The following CNMD variants were observed in gnomAD, a reference collection of about 807,000 sequenced individuals.
CNMD encodes chondromodulin.
CNMD carries 30 observed loss-of-function variants against 37.5 expected under a neutral mutation model. The observed-to-expected ratio is 0.80, with a 90% CI of 0.60 to 1.09. The LOEUF is 1.09. CNMD is among the 50% of genes least tolerant of loss of function. The pLI is 0.00. For missense variants in CNMD, 398 were observed against 423.9 expected, an observed-to-expected ratio of 0.94 and a Z score of 0.54; for synonymous variants, 167 against 148.2, an observed-to-expected ratio of 1.13 and a Z score of -0.92.
Position 52,703,655 on chromosome 13 carries a change from C to T in CNMD, c.945G>A (p.Ser315=), listed in dbSNP as rs78575404. The T allele has an allele frequency of 6.6e-4, 1,058 of 1,614,144 alleles. 8 individuals are homozygous for T. In the African/African-American group the frequency reaches 0.011, roughly 16 times the overall value. Residue 315 remains serine, a synonymous_variant, in exon 7 of 7, where the codon TCG becomes TCA. Transcript: ENST00000377962. ...TACATGGCATGATGACTCTGCAGGC[C>T]GAACGGCAGCCTTGATAATTATAAG... is the stretch of plus-strand genomic sequence containing the variant. ...PWPYNYQGCR[S]ACRVIMPCSW... is the part of the protein sequence containing the mutation.
chr13:52,738,929 G>T, intron 2 of CNMD, 102 bp downstream of exon 2: 1 of 1,165,748 alleles, frequency 8.6e-7, no homozygotes, highest in Non-Finnish European at 1.1e-6. Flanking sequence ...GGCCCGAGGG[G>T]CCCGCCGGCA....
intron 6 of CNMD, among the ~76,000 whole-genome samples, chr13:52,705,497 T>C (rs1964159451): frequency 6.6e-6 from 1 of 152,214 alleles, no homozygotes; most frequent in Admixed American, 6.5e-5. Flanking sequence ...TTGAATAGGT[T>C]AATCTGGGAC....
intron 4 of CNMD, among the ~76,000 whole-genome samples, chr13:52,719,531 C>G (rs531805451): frequency 7.2e-6 from 1 of 139,644 alleles, no homozygotes; most frequent in Admixed American, 7.3e-5. Context: ...GGTGGTGACA[C>G]AATCTCTCAG....
At position 52,703,489 on chromosome 13, in the gene CNMD, G is replaced by C; in HGVS notation, c.*106C>G. On this transcript the variant is annotated 3_prime_UTR_variant, in exon 7 of 7. Coordinates refer to ENST00000377962, the MANE Select transcript of CNMD (RefSeq NM_007015.3). ...TGTCAAGAATAACCGCTCAGGTTGA[G>C]TGTAAAAATATTTTGTGGTCCTATC... 1.4e-6 allele frequency: 1 copy of C among 728,762 alleles called. No individual in the cohort carries two copies. Among genetic ancestry groups the C allele is most frequent in the Non-Finnish European group, 2.3e-6 (1 of 434,048 alleles). The allele number at this position is 728,762 out of a possible 1,614,324, so 45.1% of individuals were successfully genotyped here.
intron 3 of CNMD, among the ~76,000 whole-genome samples, chr13:52,727,493 T>A (rs1964594056): frequency 6.6e-6 from 1 of 152,132 alleles, no homozygotes; most frequent in African/African-American, 2.4e-5. Flanking sequence ...GAGACCCCAT[T>A]TCTACAAAAA....
At chr13:52,727,164 G>A (rs549409526) in intron 3 of CNMD, among the ~76,000 whole-genome samples, 4 of 152,166 alleles carry the variant, frequency 2.6e-5, no homozygotes, top group African/African-American at 4.8e-5. Context: ...CCAGTTACTC[G>A]AGGCTGAGGC....
At chr13:52,716,837 T>C (rs1964392742) in intron 4 of CNMD, among the ~76,000 whole-genome samples, 2 of 152,184 alleles carry the variant, frequency 1.3e-5, no homozygotes, top group Non-Finnish European at 1.5e-5. Context: ...ACGGGCTCTT[T>C]TTTGGTTCCA....
chr13:52,704,448 G>GT, intron 6 of CNMD, among the ~76,000 whole-genome samples: 1 of 42,654 alleles, frequency 2.3e-5, no homozygotes, highest in East Asian at 7.0e-4. Context: ...TTGCCTTCTA[G>GT]TTTTTTATGT....
At chr13:52,737,732 A>T (rs932328572) in intron 2 of CNMD, among the ~76,000 whole-genome samples, 2 of 152,232 alleles carry the variant, frequency 1.3e-5, no homozygotes, top group Non-Finnish European at 2.9e-5. Flanking sequence ...AGAGATGACA[A>T]TCTAAACCCT....
rs1299415754 is a variant in CNMD at position 52,709,288 on chromosome 13, C to CT, written c.623-587dup. ...TAGTAAAATGGTAACTGGAAAGAGA[C>CT]TTGATGGTATCATTGAGTAGCTGAT... On this transcript the variant is annotated intron_variant, in intron 5 of 6. Transcript: ENST00000377962. Among the ~76,000 whole-genome samples, 5 of 152,106 alleles carry CT rather than the reference C, an allele frequency of 3.3e-5. No individual in the cohort carries two copies. The East Asian group carries it at 9.6e-4, about 29-fold the overall frequency.
Position 52,703,754 on chromosome 13 carries a change from A to G in CNMD, c.846T>C (p.Cys282=), listed in dbSNP as rs2138209536. ...TGTAGCTCCGCCTACATTCTATACA[A>G]CAGATTCCTTCGTGATCCAGTCTAG... ...FDPRLDHEGI[C]CIECRRSYTH... Residue 282 remains cysteine (C), a synonymous_variant, in exon 7 of 7, where the codon TGT becomes TGC. Transcript: ENST00000377962. 1.2e-6 allele frequency: 2 copies of G among 1,613,984 alleles called. No individual in the cohort carries two copies. The highest frequency in any genetic ancestry group is 4.5e-5 in the East Asian group (2 of 44,888).
In CNMD at chr13:52,724,095, G is replaced by C; in HGVS notation, c.370C>G (p.Arg124Gly). The C allele has an allele frequency of 6.2e-7, 1 of 1,612,840 alleles. No homozygotes were observed. Among genetic ancestry groups the C allele is most frequent in the African/African-American group, 1.3e-5 (1 of 74,924 alleles). The change falls in exon 4 of 7, where the codon CGT becomes GGT. Residue 124 changes from arginine (R) to glycine (G), a missense_variant. Arg to Gly is a moderately radical substitution (Grantham distance 125). Transcript: ENST00000377962. ...TAGCACTTCTCTCCTCCAGCAAAAC[G>C]AATTCCTGTGATGCCCTATGAAACA... ...NDFQNGITGIRFAGGEKCYIK... is the reference protein window; with the variant it reads ...NDFQNGITGIGFAGGEKCYIK...
chr13:52,724,352 T>A (rs1964535386), intron 3 of CNMD, among the ~76,000 whole-genome samples: 1 of 137,122 alleles, frequency 7.3e-6, no homozygotes, highest in Non-Finnish European at 1.5e-5. Flanking sequence ...GGCAGGCAGA[T>A]CACGAGGTCA....
intron 3 of CNMD, among the ~76,000 whole-genome samples, chr13:52,730,211 C>A (rs2138268017): frequency 6.6e-6 from 1 of 152,032 alleles, no homozygotes; most frequent in South Asian, 2.1e-4. Flanking sequence ...TTTTCTTAAT[C>A]CAGTCTATCA....
rs961934357 is a variant in CNMD, at chr13:52,739,152, A to T, written c.92T>A (p.Val31Glu). ...CSPPAYATLT[V>E]KPSSPARLLK... Reference sequence around the variant, plus strand: ...CAGCCGCGCGGGGCTGGAGGGCTTCACCGTCAGCGTAGCGTACGCCTGCGG... The same window carrying T: ...CAGCCGCGCGGGGCTGGAGGGCTTCTCCGTCAGCGTAGCGTACGCCTGCGG... Residue 31 changes from valine to glutamate, a missense_variant, in exon 2 of 7, where the codon GTG becomes GAG. Coordinates refer to ENST00000377962, the MANE Select transcript of CNMD (RefSeq NM_007015.3). The surrounding 1 kb of genome is among the most constrained non-coding windows in gnomAD (Gnocchi z 5.4). 2 of 1,524,246 alleles carry T rather than the reference A, an allele frequency of 1.3e-6. No homozygotes were observed. The highest frequency in any genetic ancestry group is 1.7e-6 in the Non-Finnish European group (2 of 1,143,120). 94.4% of individuals were successfully genotyped at this position (1,524,246 alleles called of 1,614,324 possible).
rs775381625 is a variant in CNMD, at chr13:52,712,762, G to T, written c.576C>A (p.Leu192=). 3 of 1,561,414 alleles carry T rather than the reference G, an allele frequency of 1.9e-6. No homozygotes were observed. Among genetic ancestry groups the T allele is most frequent in the Non-Finnish European group, 2.6e-6 (3 of 1,154,118 alleles). Residue 192 remains leucine (L), a synonymous_variant, in exon 5 of 7, where the codon CTC becomes CTA. Transcript: ENST00000377962. ...NSFLSSKVLE[L]CGDLPIFWLK... Reference sequence around the variant, plus strand: ...GCCAGAAAATAGGAAGGTCACCGCAGAGTTCTAACACCTTAGAACTCAAGA... The same window carrying T: ...GCCAGAAAATAGGAAGGTCACCGCATAGTTCTAACACCTTAGAACTCAAGA...
intron 4 of CNMD, 62 bp downstream of exon 4, chr13:52,723,935 G>C (rs1964524278): frequency 1.9e-6 from 2 of 1,034,418 alleles, no homozygotes; most frequent in African/African-American, 3.2e-5. Flanking sequence ...AAACCAAAAG[G>C]GTTGTGCCTT....
intron 4 of CNMD, among the ~76,000 whole-genome samples, chr13:52,717,291 G>A (rs886736462): frequency 1.3e-5 from 2 of 152,182 alleles, no homozygotes; most frequent in African/African-American, 4.8e-5. Flanking sequence ...TCTGCAAAAT[G>A]AGACAATTTG....
chr13:52,732,512 C>A (rs1396740962), intron 3 of CNMD, among the ~76,000 whole-genome samples: 1 of 152,160 alleles, frequency 6.6e-6, no homozygotes, highest in Non-Finnish European at 1.5e-5. Flanking sequence ...AATGTTTTAT[C>A]TCTAATATGC....
Sources: gnomAD v4.1 joint callset for allele counts (sites outside exome capture counted in the v4.1 genomes callset) on GRCh38, gnomAD v4.1.1 for gene constraint, Gnocchi (gnomAD v3.1) non-coding constraint, MANE v1.5 for transcripts, NCBI Gene and HGNC (gene_info 2026-07-23, HGNC 2026-07-21) for gene names.